Variants in CAPN8 observed in about 807,000 individuals in gnomAD.
CAPN8 encodes the protein calpain-8.
In CAPN8, 87 loss-of-function variants were observed where a neutral mutation model predicts 80.9. The observed-to-expected ratio is 1.07, with a 90% CI of 0.90 to 1.28. The LOEUF (loss-of-function observed/expected upper bound fraction) is 1.28. CAPN8 is among the 50% of genes most tolerant of loss of function. The pLI is 0.00. For missense variants in CAPN8, 757 were observed against 702.0 expected (o/e 1.08, Z -0.89); for synonymous variants, 299 against 273.8 (o/e 1.09, Z -0.91).
chr1:223,627,019 A>C lies in CAPN8; in HGVS notation c.699T>G (p.Cys233Trp). 1 of 1,551,898 alleles carries C rather than the reference A, an allele frequency of 6.4e-7. No individual in the cohort carries two copies. The highest frequency in any genetic ancestry group is 8.7e-7 in the Non-Finnish European group (1 of 1,147,024). The change falls in exon 5 of 21, where the codon TGT (cysteine) becomes TGG (tryptophan). Residue 233 changes from cysteine to tryptophan, a missense_variant. Transcript: ENST00000366872. ...TGGAGCAGCCCAGCAGAGACCCCGC[A>C]CAGAGGGCCTTCCGGATGATCTGAT... Reference protein sequence around the residue: ...NLYQIIRKALCAGSLLGCSID... With the variant: ...NLYQIIRKALWAGSLLGCSID...
chr1:223,544,924 A>G, intron 17 of CAPN8, 74 bp from the exon 18 acceptor site: 1 of 1,546,848 alleles, frequency 6.5e-7, no homozygotes. Context: ...CCTCCACCAC[A>G]CTGCTTTCTC....
chr1:223,635,229 C>T (rs972689675), intron 2 of CAPN8, among the ~76,000 whole-genome samples: 4 of 152,220 alleles, frequency 2.6e-5, no homozygotes, highest in South Asian at 2.1e-4. Context: ...CAGCTCTGTA[C>T]ATTACCACGA....
chr1:223,612,315 C>A, intron 10 of CAPN8, 58 bp from the exon 11 acceptor site: 1 of 1,229,720 alleles, frequency 8.1e-7, no homozygotes, highest in South Asian at 4.1e-5. Flanking sequence ...TCCTTCTGCT[C>A]CTTTTCCTCT....
In CAPN8 at chr1:223,627,216, T is replaced by C. The variant is rs190010918; in HGVS notation, c.561-59A>G. 4.3e-4 allele frequency: 653 copies of C among 1,524,070 alleles called. 1 individual carries two copies. In the African/African-American group the frequency reaches 5.8e-3, roughly 13 times the overall value. 94.4% of individuals were successfully genotyped at this position (1,524,070 alleles called of 1,614,324 possible). On this transcript the variant is annotated intron_variant, in intron 4 of 20. Transcript: ENST00000366872. The stretch of plus-strand genomic sequence containing the variant: ...CACCCTCAGCAAGGAGACCCGGGGA[T>C]TGGGGACCGGGACAGTGCTAGGACA...
chr1:223,643,359 A>G (rs1658096159), intron 2 of CAPN8, among the ~76,000 whole-genome samples: 1 of 152,236 alleles, frequency 6.6e-6, no homozygotes, highest in African/African-American at 2.4e-5. Flanking sequence ...AAGTGCATCA[A>G]ATATTCAACA....
chr1:223,615,778 C>T, intron 10 of CAPN8, 192 bp downstream of exon 10: 3 of 715,732 alleles, frequency 4.2e-6, no homozygotes, highest in Non-Finnish European at 7.5e-6. Context: ...GAGACTTAAG[C>T]CATAGGAATG....
At chr1:223,654,842 A>ATTTTTTTTTTT (rs35365292) in intron 1 of CAPN8, among the ~76,000 whole-genome samples, 146 of 111,642 alleles carry the variant, frequency 1.3e-3, no homozygotes, top group Non-Finnish European at 1.6e-3. Flanking sequence ...CACCCGGCTA[A>ATTTTTTTTTTT]TTTTTTTTTT....
At position 223,616,013 on chromosome 1, in the gene CAPN8, C is replaced by A. The variant is rs778786142; in HGVS notation, c.1268G>T (p.Arg423Leu). ...GATGCTAAGCATGCCTTGTCCTATC[C>A]GCTTCCGCCACCTGCGATTTTTCTG... is the stretch of plus-strand genomic sequence containing the variant. ...LMQKNRRWRK[R>L]IGQGMLSIGY... Residue 423 changes from arginine (R) to leucine (L), a missense_variant, in exon 10 of 21, where the codon CGG becomes CTG. By Grantham distance (102) the Arg-to-Leu change is moderately radical (BLOSUM62 -2). Transcript: ENST00000366872. 2 of 1,552,180 alleles carry A rather than the reference C, an allele frequency of 1.3e-6. No individual in the cohort carries two copies. Among genetic ancestry groups the A allele is most frequent in the Admixed American group, 2.0e-5 (1 of 50,992 alleles).
chr1:223,658,067 T>C (rs1348794547), intron 1 of CAPN8, among the ~76,000 whole-genome samples: 1 of 152,174 alleles, frequency 6.6e-6, no homozygotes, highest in African/African-American at 2.4e-5. Flanking sequence ...CTCTTGGTCC[T>C]CAACCCTCTG....
At chr1:223,634,677 T>C (rs1657865500) in intron 2 of CAPN8, among the ~76,000 whole-genome samples, 1 of 152,182 alleles carries the variant, frequency 6.6e-6, no homozygotes, top group South Asian at 2.1e-4. Context: ...ATGGCTGTCT[T>C]CCAGTTGTGT....
intron 2 of CAPN8, among the ~76,000 whole-genome samples, chr1:223,647,948 G>A (rs911330719): frequency 2.6e-5 from 4 of 152,148 alleles, no homozygotes; most frequent in Non-Finnish European, 5.9e-5. Context: ...TGATTTCCAT[G>A]ACTGTACTTC....
intron 11 of CAPN8, among the ~76,000 whole-genome samples, chr1:223,610,158 T>C (rs1452149021): frequency 6.6e-6 from 1 of 152,258 alleles, no homozygotes; most frequent in Admixed American, 6.5e-5. Flanking sequence ...AAGATGCCTG[T>C]GACAGAGGCC....
intron 1 of CAPN8, among the ~76,000 whole-genome samples, chr1:223,661,385 T>A (rs574157024): frequency 6.6e-6 from 1 of 152,136 alleles, no homozygotes; most frequent in East Asian, 1.9e-4. Context: ...ATCCTAGCAC[T>A]TTGGGAGGCC....
At chr1:223,544,641 T>C in intron 18 of CAPN8, 131 bp downstream of exon 18, 2 of 1,281,712 alleles carry the variant, frequency 1.6e-6, no homozygotes, top group Non-Finnish European at 2.1e-6. Context: ...TCAACAAAGC[T>C]CTGTTGTTGC....
intron 10 of CAPN8, among the ~76,000 whole-genome samples, chr1:223,615,076 G>C (rs887693900): frequency 1.3e-5 from 2 of 152,188 alleles, no homozygotes; most frequent in Non-Finnish European, 2.9e-5. Context: ...AAAGTGTGGG[G>C]TGCAGATAGG....
intron 14 of CAPN8, 114 bp downstream of exon 14, chr1:223,553,718 C>G (rs930742013): frequency 1.1e-4 from 43 of 397,964 alleles, no homozygotes; most frequent in African/African-American, 7.4e-4. Context: ...CCCCTGAGAC[C>G]TGAGTCTCAC....
At position 223,545,258 on chromosome 1, in the gene CAPN8, C is replaced by A. The variant is rs1005847325; in HGVS notation, c.1806G>T (p.Thr602=). ...GATACTTCTGAATCTTCAGCCAGAGCGTCTTGAATTCCACCGCCCCCAAAG... is the reference window on the plus strand; with the variant it reads ...GATACTTCTGAATCTTCAGCCAGAGAGTCTTGAATTCCACCGCCCCCAAAG... The part of the protein sequence containing the change: ...TGTLGAVEFK[T]LWLKIQKYLE... Residue 602 remains threonine, a synonymous_variant, in exon 17 of 21, where the codon ACG becomes ACT. Transcript: ENST00000366872. The A allele has an allele frequency of 1.3e-6, 2 of 1,551,514 alleles. No homozygotes were observed. Among genetic ancestry groups the A allele is most frequent in the Admixed American group, 2.0e-5 (1 of 50,990 alleles).
intron 13 of CAPN8, among the ~76,000 whole-genome samples, chr1:223,557,026 T>C (rs1207287216): frequency 2.0e-5 from 3 of 151,906 alleles, no homozygotes; most frequent in Non-Finnish European, 4.4e-5. Context: ...TGCCACCAAC[T>C]CGAGGCAGGG....
intron 15 of CAPN8, among the ~76,000 whole-genome samples, chr1:223,550,586 T>C (rs528032012): frequency 6.6e-6 from 1 of 152,316 alleles, no homozygotes; most frequent in South Asian, 2.1e-4. Flanking sequence ...AACTAGATCT[T>C]TCATCTGCAG....
Sources: allele counts gnomAD v4.1 joint callset (sites outside exome capture counted in the v4.1 genomes callset), GRCh38; gene constraint gnomAD v4.1.1; transcripts MANE v1.5; gene names NCBI Gene and HGNC (gene_info 2026-07-23, HGNC 2026-07-21).